HOXA13: variants seen among roughly 807,000 people sequenced by gnomAD.
HOXA13 encodes homeobox A13, also known as homeobox protein Hox-A13.
In HOXA13, 5 loss-of-function variants were observed where a neutral mutation model predicts 25.7. The observed-to-expected ratio is 0.19, with a 90% CI of 0.10 to 0.41. The LOEUF is 0.41. Ranked by LOEUF, HOXA13 falls within the 10% of genes least tolerant of loss-of-function variation. The pLI is 1.00. For synonymous variants in HOXA13, 284 were observed against 241.1 expected, an observed-to-expected ratio of 1.18 and a Z score of -1.65; for missense variants, 557 against 533.5, an observed-to-expected ratio of 1.04 and a Z score of -0.43.
Position 27,197,268 on chromosome 7 carries a change from C to G in HOXA13, c.*930G>C, listed in dbSNP as rs571756186. 1 of 209,072 alleles carries G rather than the reference C, an allele frequency of 4.8e-6. No homozygotes were observed. Among genetic ancestry groups the G allele is most frequent in the Non-Finnish European group, 9.7e-6 (1 of 102,572 alleles). The allele number at this position is 209,072 out of a possible 1,614,324, so 13.0% of individuals were successfully genotyped here. A position where few individuals can be genotyped will look rare whatever the true frequency, so the allele number is the denominator to read the frequency against. Reference sequence around the variant, plus strand: ...GAAAAAAGAAAAATGATTTCTCCAGCAAATGTTTAGCAAATATTGGGAAAT... The same window carrying G: ...GAAAAAAGAAAAATGATTTCTCCAGGAAATGTTTAGCAAATATTGGGAAAT... On this transcript the variant is annotated 3_prime_UTR_variant, in exon 2 of 2. Coordinates refer to ENST00000649031, the MANE Select transcript of HOXA13 (RefSeq NM_000522.5).
rs1190905313 is a variant in HOXA13, at chr7:27,198,405, C to G, written c.960G>C (p.Arg320Ser). The G allele has an allele frequency of 1.9e-6, 3 of 1,614,046 alleles. No homozygotes were observed. Among genetic ancestry groups the G allele is most frequent in the Non-Finnish European group, 1.7e-6 (2 of 1,180,042 alleles). Reference sequence around the variant, plus strand: ...AAGGCACGCGCTTCTTTCTCCCCCTCCTATAGGAGCTGGCATCCGAGGGAT... The same window carrying G: ...AAGGCACGCGCTTCTTTCTCCCCCTGCTATAGGAGCTGGCATCCGAGGGAT... ...VSHPSDASSY[R>S]RGRKKRVPYT... Residue 320 changes from arginine to serine, a missense_variant, in exon 2 of 2, where the codon AGG (arginine) becomes AGC (serine). Coordinates refer to ENST00000649031, the MANE Select transcript of HOXA13 (RefSeq NM_000522.5).
In HOXA13 at chr7:27,198,050, A is replaced by T. The variant is rs1006926235; in HGVS notation, c.*148T>A. The T allele has an allele frequency of 4.5e-6, 4 of 893,264 alleles. No individual in the cohort carries two copies. The South Asian group carries it at 6.2e-5, about 14-fold the overall frequency. The allele number at this position is 893,264 out of a possible 1,614,324, so 55.3% of individuals were successfully genotyped here. ...TGTAGATTCCATTAAAGAGAAAGAG[A>T]TCTCCTTCGGGAGAGGAAAATGCCA... On this transcript the variant is annotated 3_prime_UTR_variant, in exon 2 of 2. Transcript: ENST00000649031.
Position 27,197,117 on chromosome 7 carries a change from T to C in HOXA13, c.*1081A>G. 1 of 208,778 alleles carries C rather than the reference T, an allele frequency of 4.8e-6. No individual in the cohort carries two copies. The highest frequency in any genetic ancestry group is 9.8e-6 in the Non-Finnish European group (1 of 102,296). The allele number at this position is 208,778 out of a possible 1,614,324, so 12.9% of individuals were successfully genotyped here. Reference sequence around the variant, plus strand: ...GTGCTGTGAAGATGAATCACTAATCTTTCTAATGCACTCTGATAACACAAT... The same window carrying C: ...GTGCTGTGAAGATGAATCACTAATCCTTCTAATGCACTCTGATAACACAAT... On this transcript the variant is annotated 3_prime_UTR_variant, in exon 2 of 2. Coordinates refer to ENST00000649031, the MANE Select transcript of HOXA13 (RefSeq NM_000522.5).
chr7:27,197,110 A>G lies in HOXA13; in HGVS notation c.*1088T>C. 4.8e-6 allele frequency: 1 copy of G among 208,680 alleles called. No homozygotes were observed. The allele number at this position is 208,680 out of a possible 1,614,324, so 12.9% of individuals were successfully genotyped here. On this transcript the variant is annotated 3_prime_UTR_variant, in exon 2 of 2. Coordinates refer to ENST00000649031, the MANE Select transcript of HOXA13 (RefSeq NM_000522.5). ...TAAAAATGTGCTGTGAAGATGAATCACTAATCTTTCTAATGCACTCTGATA... is the reference window on the plus strand; with the variant it reads ...TAAAAATGTGCTGTGAAGATGAATCGCTAATCTTTCTAATGCACTCTGATA...
rs1459803001 is a variant in HOXA13 at position 27,200,005 on chromosome 7, C to G, written c.73G>C (p.Gly25Arg). ...TTGTTGAGCTCGTCGGCCACCAGGC[C>G]GCCGCCGTTGTCGTAGAGAAACATG... ...TVMFLYDNGGGLVADELNKNM... is the reference protein window; with the variant it reads ...TVMFLYDNGGRLVADELNKNM... The change falls in exon 1 of 2, where the codon GGC (glycine) becomes CGC (arginine). Residue 25 changes from glycine to arginine, a missense_variant. By Grantham distance (125) the Gly-to-Arg change is moderately radical. Coordinates refer to ENST00000649031, the MANE Select transcript of HOXA13 (RefSeq NM_000522.5). The G allele has an allele frequency of 6.1e-6, 9 of 1,485,776 alleles. No individual in the cohort carries two copies. In the East Asian group the frequency reaches 2.0e-4, roughly 33 times the overall value. 92.0% of individuals were successfully genotyped at this position (1,485,776 alleles called of 1,614,324 possible). A position where few individuals can be genotyped will look rare whatever the true frequency, so the allele number is the denominator to read the frequency against.
chr7:27,199,041 C>A, intron 1 of HOXA13, 115 bp downstream of exon 1: 1 of 1,013,230 alleles, frequency 9.9e-7, no homozygotes, highest in South Asian at 1.6e-5. Flanking sequence ...GGGTGCAGAG[C>A]CGCTAGGGCA....
rs1180295420 is a variant in HOXA13, at chr7:27,199,590, G to C, written c.488C>G (p.Ser163Trp). ...ATAGGGCAGCGCCGCGGGCCCCGACGAGCTCTGCGCCGCTGCCGAGCAGGG... is the reference window on the plus strand; with the variant it reads ...ATAGGGCAGCGCCGCGGGCCCCGACCAGCTCTGCGCCGCTGCCGAGCAGGG... ...CSPCSAAAQS[S>W]SGPAALPYGY... is the part of the protein sequence containing the mutation. Residue 163 changes from serine (S) to tryptophan (W), a missense_variant, in exon 1 of 2, where the codon TCG becomes TGG. Transcript: ENST00000649031. 6.6e-7 allele frequency: 1 copy of C among 1,516,324 alleles called. No homozygotes were observed. Among genetic ancestry groups the C allele is most frequent in the Non-Finnish European group, 8.8e-7 (1 of 1,136,450 alleles). 93.9% of individuals were successfully genotyped at this position (1,516,324 alleles called of 1,614,324 possible).
In HOXA13 at chr7:27,198,041, G is replaced by C; in HGVS notation, c.*157C>G. ...TAAAACAGTTGTAGATTCCATTAAAGAGAAAGAGATCTCCTTCGGGAGAGG... is the reference window on the plus strand; with the variant it reads ...TAAAACAGTTGTAGATTCCATTAAACAGAAAGAGATCTCCTTCGGGAGAGG... On this transcript the variant is annotated 3_prime_UTR_variant, in exon 2 of 2. Transcript: ENST00000649031. The C allele has an allele frequency of 1.2e-6, 1 of 854,276 alleles. No individual in the cohort carries two copies. The highest frequency in any genetic ancestry group is 1.6e-5 in the South Asian group (1 of 62,722). 52.9% of individuals were successfully genotyped at this position (854,276 alleles called of 1,614,324 possible). A position where few individuals can be genotyped will look rare whatever the true frequency, so the allele number is the denominator to read the frequency against.
In HOXA13 at chr7:27,198,028, A is replaced by G; in HGVS notation, c.*170T>C. ...TTTCTTAAAGTTTTAAAACAGTTGT[A>G]GATTCCATTAAAGAGAAAGAGATCT... On this transcript the variant is annotated 3_prime_UTR_variant, in exon 2 of 2. Coordinates refer to ENST00000649031, the MANE Select transcript of HOXA13 (RefSeq NM_000522.5). 1 of 780,682 alleles carries G rather than the reference A, an allele frequency of 1.3e-6. No homozygotes were observed. Among genetic ancestry groups the G allele is most frequent in the Non-Finnish European group, 2.1e-6 (1 of 478,452 alleles). The allele number at this position is 780,682 out of a possible 1,614,324, so 48.4% of individuals were successfully genotyped here.
In HOXA13 at chr7:27,199,192, C is replaced by T. The variant is rs199871426; in HGVS notation, c.886G>A (p.Ala296Thr). 3 of 1,612,718 alleles carry T rather than the reference C, an allele frequency of 1.9e-6. No homozygotes were observed. Among genetic ancestry groups the T allele is most frequent in the African/African-American group, 2.7e-5 (2 of 74,848 alleles). The stretch of plus-strand genomic sequence containing the variant: ...GACTTCCAGAGGTGGGGAGGCTGCG[C>T]CTGCTCTTTGGGGCAGTACATTTGG... Reference protein sequence around the residue: ...NGQMYCPKEQAQPPHLWKSTL... With the variant: ...NGQMYCPKEQTQPPHLWKSTL... Residue 296 changes from alanine (A) to threonine (T), a missense_variant, in exon 1 of 2, where the codon GCG becomes ACG. Physicochemically the swap from Ala to Thr is moderately conservative, Grantham distance 58. Transcript: ENST00000649031.
chr7:27,199,693 C>A lies in HOXA13; in HGVS notation c.385G>T (p.Ala129Ser). 1 of 1,113,524 alleles carries A rather than the reference C, an allele frequency of 9.0e-7. No homozygotes were observed. Among genetic ancestry groups the A allele is most frequent in the Non-Finnish European group, 1.1e-6 (1 of 913,470 alleles). The allele number at this position is 1,113,524 out of a possible 1,614,324, so 69.0% of individuals were successfully genotyped here. The change falls in exon 1 of 2, where the codon GCC becomes TCC. Residue 129 changes from alanine (A) to serine (S), a missense_variant. Coordinates refer to ENST00000649031, the MANE Select transcript of HOXA13 (RefSeq NM_000522.5). ...AAAAAAAAAAAAAAASSSGGP... is the reference protein window; with the variant it reads ...AAAAAAAAAASAAAASSSGGP... ...CCCGAGGACGACGCGGCGGCGGCGGCGGCGGCTGCAGCGGCAGCCGCGGCA... is the reference window on the plus strand; with the variant it reads ...CCCGAGGACGACGCGGCGGCGGCGGAGGCGGCTGCAGCGGCAGCCGCGGCA...
rs557028335 is a variant in HOXA13 at position 27,199,194 on chromosome 7, T to G, written c.884A>C (p.Gln295Pro). 32 of 1,612,702 alleles carry G rather than the reference T, an allele frequency of 2.0e-5. No individual in the cohort carries two copies. In the South Asian group the frequency reaches 3.4e-4, roughly 17 times the overall value. ...WNGQMYCPKEQAQPPHLWKST... is the reference protein window; with the variant it reads ...WNGQMYCPKEPAQPPHLWKST... The stretch of plus-strand genomic sequence containing the variant: ...CTTCCAGAGGTGGGGAGGCTGCGCC[T>G]GCTCTTTGGGGCAGTACATTTGGCC... The change falls in exon 1 of 2, where the codon CAG becomes CCG. Residue 295 changes from glutamine (Q) to proline (P), a missense_variant. Physicochemically the swap from Gln to Pro is moderately conservative, Grantham distance 76. Coordinates refer to ENST00000649031, the MANE Select transcript of HOXA13 (RefSeq NM_000522.5).
Position 27,199,822 on chromosome 7 carries a change from G to T in HOXA13, c.256C>A (p.Gln86Lys). 4 of 992,452 alleles carry T rather than the reference G, an allele frequency of 4.0e-6. No homozygotes were observed. Among genetic ancestry groups the T allele is most frequent in the Non-Finnish European group, 4.8e-6 (4 of 836,066 alleles). 61.5% of individuals were successfully genotyped at this position (992,452 alleles called of 1,614,324 possible). ...GGGTGCGCCATCAGGTTGCGGCACT[G>T]GTTGGCCGCGGCCGCCGCCGCAGCC... Reference protein sequence around the residue: ...AAAAAAAAANQCRNLMAHPAP... With the variant: ...AAAAAAAAANKCRNLMAHPAP... The change falls in exon 1 of 2, where the codon CAG (glutamine) becomes AAG (lysine). Residue 86 changes from glutamine to lysine, a missense_variant. Gln to Lys is a moderately conservative substitution (Grantham distance 53). Transcript: ENST00000649031.
In HOXA13 at chr7:27,199,303, C is replaced by T; in HGVS notation, c.775G>A (p.Gly259Arg). Residue 259 changes from glycine to arginine, a missense_variant, in exon 1 of 2, where the codon GGG becomes AGG. Gly to Arg is a moderately radical substitution (Grantham distance 125). Transcript: ENST00000649031. ...TCGTGGCGCGACTCGCCGGGGCCCCCGAGGCCCGGCACCACTGGCATATCC... is the reference window on the plus strand; with the variant it reads ...TCGTGGCGCGACTCGCCGGGGCCCCTGAGGCCCGGCACCACTGGCATATCC... ...YLDMPVVPGLGGPGESRHEPL... is the reference protein window; with the variant it reads ...YLDMPVVPGLRGPGESRHEPL... 1 of 1,613,974 alleles carries T rather than the reference C, an allele frequency of 6.2e-7. No homozygotes were observed. Among genetic ancestry groups the T allele is most frequent in the Non-Finnish European group, 8.5e-7 (1 of 1,179,956 alleles).
intron 1 of HOXA13, 165 bp from the exon 2 acceptor site, chr7:27,198,607 G>C: frequency 1.3e-6 from 1 of 786,518 alleles, no homozygotes; most frequent in Non-Finnish European, 2.1e-6. Flanking sequence ...GGGGAAGGTA[G>C]TTAGTTCTGA....
rs767788071 is a variant in HOXA13 at position 27,199,141 on chromosome 7, T to G, written c.922+15A>C. 4 of 1,605,916 alleles carry G rather than the reference T, an allele frequency of 2.5e-6. No homozygotes were observed. The highest frequency in any genetic ancestry group is 3.4e-6 in the Non-Finnish European group (4 of 1,178,216). ...AGAGCCGGAAGACCAGGGCTGGGAATAGGTCGTCATTTACCGGGCAGAGTG... is the reference window on the plus strand; with the variant it reads ...AGAGCCGGAAGACCAGGGCTGGGAAGAGGTCGTCATTTACCGGGCAGAGTG... On this transcript the variant is annotated intron_variant, in intron 1 of 1. Coordinates refer to ENST00000649031, the MANE Select transcript of HOXA13 (RefSeq NM_000522.5).
In HOXA13 at chr7:27,199,893, G is replaced by A; in HGVS notation, c.185C>T (p.Ala62Val). 1 of 1,087,786 alleles carries A rather than the reference G, an allele frequency of 9.2e-7. No homozygotes were observed. The highest frequency in any genetic ancestry group is 1.1e-6 in the Non-Finnish European group (1 of 892,278). 67.4% of individuals were successfully genotyped at this position (1,087,786 alleles called of 1,614,324 possible). A position where few individuals can be genotyped will look rare whatever the true frequency, so the allele number is the denominator to read the frequency against. ...GAAGTTGCCCCCTGCCGCCGCAGCC[G>A]CCGGGTGGGGGAAGCCCCCGCCCCC... ...GAGGGGFPHP[A>V]AAAAGGNFSV... Residue 62 changes from alanine (A) to valine (V), a missense_variant, in exon 1 of 2, where the codon GCG becomes GTG. Ala to Val is a moderately conservative substitution (Grantham distance 64, BLOSUM62 0). Coordinates refer to ENST00000649031, the MANE Select transcript of HOXA13 (RefSeq NM_000522.5).
rs534026079 is a variant in HOXA13 at position 27,197,781 on chromosome 7, C to A, written c.*417G>T. On this transcript the variant is annotated 3_prime_UTR_variant, in exon 2 of 2. Coordinates refer to ENST00000649031, the MANE Select transcript of HOXA13 (RefSeq NM_000522.5). ...CTTAACATGCAAAGGGAATGGCGACCTAAGAAGGACAAGCAGATGTTTACA... is the reference window on the plus strand; with the variant it reads ...CTTAACATGCAAAGGGAATGGCGACATAAGAAGGACAAGCAGATGTTTACA... 75 of 299,962 alleles carry A rather than the reference C, an allele frequency of 2.5e-4. No individual in the cohort carries two copies. The highest frequency in any genetic ancestry group is 4.1e-4 in the Non-Finnish European group (65 of 159,142). 18.6% of individuals were successfully genotyped at this position (299,962 alleles called of 1,614,324 possible).
rs1491455457 is a variant in HOXA13, at chr7:27,194,944, AAC to A, written c.*3252_*3253del. 6.6e-6 allele frequency: 1 copy of A among 152,234 alleles called. No homozygotes were observed. The highest frequency in any genetic ancestry group is 2.4e-5 in the African/African-American group (1 of 41,472). The allele number at this position is 152,234 out of a possible 1,614,324, so 9.4% of individuals were successfully genotyped here. A position where few individuals can be genotyped will look rare whatever the true frequency, so the allele number is the denominator to read the frequency against. ...AGAGTCCCTTTTGGAGCTGTTCTTA[AAC>A]ACACAGTTTGATCCAGCTTTGAGGG... On this transcript the variant is annotated 3_prime_UTR_variant, in exon 2 of 2. Transcript: ENST00000649031.
Sources: gnomAD v4.1 joint callset for allele counts on GRCh38, gnomAD v4.1.1 for gene constraint, MANE v1.5 for transcripts, NCBI Gene and HGNC (gene_info 2026-07-23, HGNC 2026-07-21) for gene names.